The following SLC34A2 variants were observed in gnomAD, a reference collection of about 807,000 sequenced individuals.
The protein encoded by SLC34A2 is solute carrier family 34 member 2.
A neutral mutation model predicts 50.8 loss-of-function variants in SLC34A2; 41 were observed. That is an observed-to-expected ratio of 0.81 (90% CI 0.63 to 1.05). SLC34A2 has a LOEUF of 1.05. Ranked by LOEUF, SLC34A2 falls within the 50% of genes least tolerant of loss-of-function variation. The pLI is 0.00. For synonymous variants in SLC34A2, 401 were observed against 364.2 expected (o/e 1.10, Z -1.15); for missense variants, 879 against 876.7 (o/e 1.00, Z -0.03).
At chr4:25,658,833 G>T (rs1714022872) in intron 1 of SLC34A2, among the ~76,000 whole-genome samples, 1 of 152,130 alleles carries the variant, frequency 6.6e-6, no homozygotes. Flanking sequence ...GGGCTATGGG[G>T]GTAGGAGAAA....
At chr4:25,672,897 T>C (rs1028416604) in intron 9 of SLC34A2, among the ~76,000 whole-genome samples, 190 bp from the exon 10 acceptor site, 8 of 152,198 alleles carry the variant, frequency 5.3e-5, no homozygotes, top group African/African-American at 1.4e-4. Context: ...CCACTGATTA[T>C]GACATAGTTT....
chr4:25,673,478 C>A (rs2240996), intron 10 of SLC34A2, among the ~76,000 whole-genome samples: 32,609 of 152,046 alleles, frequency 0.21, 4,965 homozygotes, highest in African/African-American at 0.44. Flanking sequence ...AGGTCCTGAG[C>A]AGGAGTTCAT....
Position 25,676,137 on chromosome 4 carries a change from C to T in SLC34A2, c.1461C>T (p.Ile487=), listed in dbSNP as rs867296079. 1.9e-6 allele frequency: 3 copies of T among 1,613,972 alleles called. No individual in the cohort carries two copies. Among genetic ancestry groups the T allele is most frequent in the East Asian group, 2.2e-5 (1 of 44,876 alleles). Residue 487 remains isoleucine (I), a splice_region_variant and synonymous_variant, in exon 13 of 13, where the codon ATC becomes ATT. Transcript: ENST00000382051. ...CTGTCCAACCTCTTGTGTTGCAGAT[C>T]GCCCTGTGCCACTTTTTCTTCAACA... The part of the protein sequence containing the change: ...PGNALRSSLQ[I]ALCHFFFNIS...
At chr4:25,664,568 TTCC>T (rs1714389235) in intron 4 of SLC34A2, among the ~76,000 whole-genome samples, 1 of 152,246 alleles carries the variant, frequency 6.6e-6, no homozygotes, top group Non-Finnish European at 1.5e-5. Flanking sequence ...GGCTAGACTA[TTCC>T]AAGCTATCCG....
Position 25,673,151 on chromosome 4 carries a change from C to T in SLC34A2, c.1113C>T (p.Leu371=). The change falls in exon 10 of 13, where the codon CTC becomes CTT. Residue 371 remains leucine (L), a synonymous_variant. Coordinates refer to ENST00000382051, the MANE Select transcript of SLC34A2 (RefSeq NM_006424.3). ...DLAVGTILLI[L]SLLVLCGCLI... Reference sequence around the variant, plus strand: ...CTGTGGGCACCATCTTGCTCATACTCTCCCTGCTGGTCCTCTGTGGTTGCC... The same window carrying T: ...CTGTGGGCACCATCTTGCTCATACTTTCCCTGCTGGTCCTCTGTGGTTGCC... The T allele has an allele frequency of 1.2e-6, 2 of 1,614,170 alleles. No individual in the cohort carries two copies. Among genetic ancestry groups the T allele is most frequent in the Non-Finnish European group, 1.7e-6 (2 of 1,180,014 alleles).
chr4:25,672,794 C>A (rs1275875642), intron 9 of SLC34A2, among the ~76,000 whole-genome samples: 6 of 152,238 alleles, frequency 3.9e-5, no homozygotes. Context: ...CCATCGACAG[C>A]ATGGTCTTTA....
chr4:25,676,526 G>T lies in SLC34A2; in HGVS notation c.1850G>T (p.Arg617Leu). ...VSKFTGCFQM[R>L]CCCCCRVCCR... The stretch of plus-strand genomic sequence containing the variant: ...AAGTTCACCGGCTGCTTCCAGATGC[G>T]CTGCTGCTGCTGCTGCCGCGTGTGC... Residue 617 changes from arginine (R) to leucine (L), a missense_variant, in exon 13 of 13, where the codon CGC (arginine) becomes CTC (leucine). By Grantham distance (102) the Arg-to-Leu change is moderately radical (BLOSUM62 -2). Coordinates refer to ENST00000382051, the MANE Select transcript of SLC34A2 (RefSeq NM_006424.3). 6.2e-7 allele frequency: 1 copy of T among 1,606,872 alleles called. No homozygotes were observed. Among genetic ancestry groups the T allele is most frequent in the Non-Finnish European group, 8.5e-7 (1 of 1,174,404 alleles).
In SLC34A2 at chr4:25,674,544, C is replaced by A. The variant is rs760586486; in HGVS notation, c.1373C>A (p.Thr458Lys). ...ACCATTGAGAGGGCTTATCCACTCA[C>A]GCTGGGCTCCAACATCGGCACCACC... ...VITIERAYPL[T>K]LGSNIGTTTT... Residue 458 changes from threonine to lysine, a missense_variant, in exon 12 of 13, where the codon ACG becomes AAG. By Grantham distance (78) the Thr-to-Lys change is moderately conservative. Coordinates refer to ENST00000382051, the MANE Select transcript of SLC34A2 (RefSeq NM_006424.3). The A allele has an allele frequency of 1.9e-6, 3 of 1,614,226 alleles. No homozygotes were observed. Among genetic ancestry groups the A allele is most frequent in the Non-Finnish European group, 2.5e-6 (3 of 1,180,046 alleles).
At chr4:25,668,079 C>A in intron 6 of SLC34A2, 88 bp downstream of exon 6, 1 of 833,012 alleles carries the variant, frequency 1.2e-6, no homozygotes, top group Non-Finnish European at 2.1e-6. Context: ...CCAAAGATGA[C>A]ATGCTTATCA....
At chr4:25,655,956 T>A (rs1340917494) in intron 1 of SLC34A2, 66 bp downstream of exon 1, 1 of 152,258 alleles carries the variant, frequency 6.6e-6, no homozygotes, top group East Asian at 1.9e-4. Flanking sequence ...CACTTAATTC[T>A]TGCAAATACC....
intron 1 of SLC34A2, chr4:25,656,467 TTG>T: frequency 6.6e-6 from 1 of 152,290 alleles, no homozygotes; most frequent in Admixed American, 6.5e-5. Context: ...CAGTCTTAGT[TTG>T]TTTCTATTAG....
intron 7 of SLC34A2, 125 bp downstream of exon 7, chr4:25,669,967 T>G: frequency 2.1e-6 from 2 of 941,250 alleles, no homozygotes; most frequent in South Asian, 2.7e-5. Flanking sequence ...TCACCCTTGT[T>G]TTCCCAGCAC....
chr4:25,659,240 C>G (rs1017547219), intron 1 of SLC34A2, among the ~76,000 whole-genome samples: 2 of 152,094 alleles, frequency 1.3e-5, no homozygotes, highest in Admixed American at 1.3e-4. Flanking sequence ...CTCTGTGCCT[C>G]AGTTTCTTTG....
At chr4:25,662,667 C>A (rs1714266517) in intron 2 of SLC34A2, 38 bp from the exon 3 acceptor site, 1 of 1,614,068 alleles carries the variant, frequency 6.2e-7, no homozygotes, top group African/African-American at 1.3e-5. Context: ...CCAGGAGACT[C>A]AGGTCTGATT....
intron 3 of SLC34A2, 60 bp downstream of exon 3, chr4:25,662,902 T>C: frequency 6.3e-7 from 1 of 1,591,600 alleles, no homozygotes; most frequent in Non-Finnish European, 8.6e-7. Context: ...CACGGTGTCA[T>C]CATCCTCCTG....
At chr4:25,673,777 C>G (rs1411869930) in intron 10 of SLC34A2, among the ~76,000 whole-genome samples, 1 of 152,152 alleles carries the variant, frequency 6.6e-6, no homozygotes, top group Admixed American at 6.5e-5. Context: ...GAAATATAGC[C>G]AAGAAAATTC....
Position 25,674,767 on chromosome 4 carries a change from G to A in SLC34A2, c.1458+138G>A. 7 of 1,154,932 alleles carry A rather than the reference G, an allele frequency of 6.1e-6. No individual in the cohort carries two copies. The South Asian group carries it at 1.0e-4, about 17-fold the overall frequency. 71.5% of individuals were successfully genotyped at this position (1,154,932 alleles called of 1,614,324 possible). A position where few individuals can be genotyped will look rare whatever the true frequency, so the allele number is the denominator to read the frequency against. On this transcript the variant is annotated intron_variant, in intron 12 of 12. Coordinates refer to ENST00000382051, the MANE Select transcript of SLC34A2 (RefSeq NM_006424.3). ...CTAATATGTGGAGGGGAAGCCACGG[G>A]TAAAGTTTTCAGGACCTTGATATGA...
chr4:25,666,195 C>A lies in SLC34A2; in HGVS notation c.447C>A (p.Ile149=), dbSNP rs750115375. Residue 149 remains isoleucine, a synonymous_variant, in exon 5 of 13, where the codon ATC becomes ATA. Coordinates refer to ENST00000382051, the MANE Select transcript of SLC34A2 (RefSeq NM_006424.3). ...CCAACCCTTTGTTGGGGCTGGTGATCGGGGTGCTGGTGACCGTCTTGGTGC... is the reference window on the plus strand; with the variant it reads ...CCAACCCTTTGTTGGGGCTGGTGATAGGGGTGCTGGTGACCGTCTTGGTGC... ...IMSNPLLGLV[I]GVLVTVLVQS... 6.2e-7 allele frequency: 1 copy of A among 1,613,912 alleles called. No individual in the cohort carries two copies. The highest frequency in any genetic ancestry group is 1.3e-5 in the African/African-American group (1 of 74,908).
chr4:25,672,977 T>C (rs1714897626), intron 9 of SLC34A2, 110 bp from the exon 10 acceptor site: 5 of 1,249,290 alleles, frequency 4.0e-6, no homozygotes, highest in Non-Finnish European at 5.8e-6. Context: ...TCTGTTAAAC[T>C]AACAACCAGG....
Sources: allele counts gnomAD v4.1 joint callset (sites outside exome capture counted in the v4.1 genomes callset), GRCh38; gene constraint gnomAD v4.1.1; transcripts MANE v1.5; gene names NCBI Gene and HGNC (gene_info 2026-07-23, HGNC 2026-07-21).